STK17B: variants seen among roughly 807,000 people sequenced by gnomAD.
STK17B encodes the protein serine/threonine kinase 17b.
A neutral mutation model predicts 42.0 loss-of-function variants in STK17B; 21 were observed. The ratio of observed to expected loss-of-function variants is 0.50; its 90% confidence interval spans 0.35 to 0.72. STK17B has a LOEUF of 0.72. Ranked by LOEUF, STK17B falls within the 30% of genes least tolerant of loss-of-function variation. The probability of loss-of-function intolerance (pLI) is 0.00; values close to 1 mark genes in which losing one functional copy is unlikely to be tolerated. For missense variants in STK17B, 349 were observed against 446.0 expected (o/e 0.78, Z 1.96); for synonymous variants, 143 against 148.4 (o/e 0.96, Z 0.26).
At chr2:196,148,540 T>G (rs1453887122) in intron 3 of STK17B, among the ~76,000 whole-genome samples, 1 of 152,224 alleles carries the variant, frequency 6.6e-6, no homozygotes, top group East Asian at 1.9e-4. Context: ...TTAGGTACTT[T>G]ACAAGATATA....
intron 3 of STK17B, among the ~76,000 whole-genome samples, chr2:196,151,893 T>C (rs1699670561): frequency 6.6e-6 from 1 of 152,206 alleles, no homozygotes; most frequent in Non-Finnish European, 1.5e-5. Context: ...CTATGAACTA[T>C]GTATTAAAAT....
intron 5 of STK17B, among the ~76,000 whole-genome samples, chr2:196,141,860 T>C (rs1411742842): frequency 6.6e-6 from 1 of 152,076 alleles, no homozygotes; most frequent in Non-Finnish European, 1.5e-5. Flanking sequence ...GTTAAACTCA[T>C]TTAGGTTAAT....
chr2:196,156,554 G>C lies in STK17B; in HGVS notation c.220C>G (p.Arg74Gly). 6.2e-7 allele frequency: 1 copy of C among 1,613,972 alleles called. No homozygotes were observed. Residue 74 changes from arginine (R) to glycine (G), a missense_variant, in exon 3 of 8, where the codon CGA becomes GGA. Arg to Gly is a moderately radical substitution (Grantham distance 125). Transcript: ENST00000263955. The part of the protein sequence containing the change: ...LKKRRRGQDC[R>G]AEILHEIAVL... ...GCAATCTCGTGTAAAATTTCTGCTCGACAATCCTGTCCTCTTCTTCTCTTT... is the reference window on the plus strand; with the variant it reads ...GCAATCTCGTGTAAAATTTCTGCTCCACAATCCTGTCCTCTTCTTCTCTTT...
At chr2:196,169,982 A>T (rs1240259269) in intron 1 of STK17B, among the ~76,000 whole-genome samples, 2 of 152,192 alleles carry the variant, frequency 1.3e-5, no homozygotes, top group African/African-American at 4.8e-5. Context: ...AAAAAGTTTA[A>T]TTGAGCATCT....
intron 3 of STK17B, among the ~76,000 whole-genome samples, chr2:196,149,260 T>G (rs968488990): frequency 7.3e-5 from 11 of 151,514 alleles, no homozygotes; most frequent in African/African-American, 2.7e-4. Context: ...CCGTCCTGGG[T>G]TCAAGCAATT....
rs1314273623 is a variant in STK17B at position 196,136,488 on chromosome 2, T to C, written c.*959A>G. ...ACTGTGTTAATAGACCTACCGGTGC[T>C]GTAATTTTTTATGCATACTTTTAGA... On this transcript the variant is annotated 3_prime_UTR_variant, in exon 8 of 8. Coordinates refer to ENST00000263955, the MANE Select transcript of STK17B (RefSeq NM_004226.4). 1 of 152,588 alleles carries C rather than the reference T, an allele frequency of 6.6e-6. No individual in the cohort carries two copies. The highest frequency in any genetic ancestry group is 1.5e-5 in the Non-Finnish European group (1 of 68,050). 9.5% of individuals were successfully genotyped at this position (152,588 alleles called of 1,614,324 possible).
intron 4 of STK17B, among the ~76,000 whole-genome samples, chr2:196,144,328 A>C (rs1157222350): frequency 6.6e-6 from 1 of 151,612 alleles, no homozygotes; most frequent in African/African-American, 2.4e-5. Context: ...GCCTCTACTA[A>C]AAATACAAAA....
At chr2:196,148,272 C>T (rs966952304) in intron 3 of STK17B, among the ~76,000 whole-genome samples, 1 of 152,222 alleles carries the variant, frequency 6.6e-6, no homozygotes, top group African/African-American at 2.4e-5. Flanking sequence ...CACCCCTTCT[C>T]AAGGTCTCCT....
At chr2:196,162,589 G>GA (rs1343548005) in intron 2 of STK17B, among the ~76,000 whole-genome samples, 3 of 151,988 alleles carry the variant, frequency 2.0e-5, no homozygotes, top group Admixed American at 2.0e-4. Context: ...TTCAGATGAG[G>GA]AAACGACAGC....
intron 1 of STK17B, among the ~76,000 whole-genome samples, chr2:196,163,788 A>G (rs1699842979): frequency 6.6e-6 from 1 of 152,184 alleles, no homozygotes; most frequent in Admixed American, 6.5e-5. Context: ...CTATAATCCC[A>G]GCACTTTGGG....
At chr2:196,154,264 A>AC (rs1426860913) in intron 3 of STK17B, 1 of 152,286 alleles carries the variant, frequency 6.6e-6, no homozygotes, top group Non-Finnish European at 1.5e-5. Context: ...CAACAACAAA[A>AC]GATAATAATC....
chr2:196,137,132 C>CTTTTTT lies in STK17B; in HGVS notation c.*309_*314dup. On this transcript the variant is annotated 3_prime_UTR_variant, in exon 8 of 8. Coordinates refer to ENST00000263955, the MANE Select transcript of STK17B (RefSeq NM_004226.4). The stretch of plus-strand genomic sequence containing the variant: ...ACCAACTATAATAAAACTCAAGCCA[C>CTTTTTT]TTTTTTTGTTGATATGCAAAACATT... 3.7e-6 allele frequency: 1 copy of CTTTTTT among 269,168 alleles called. No homozygotes were observed. The allele number at this position is 269,168 out of a possible 1,614,324, so 16.7% of individuals were successfully genotyped here.
rs1469488541 is a variant in STK17B at position 196,146,447 on chromosome 2, T to A, written c.336-392A>T. On this transcript the variant is annotated intron_variant, in intron 3 of 7. Transcript: ENST00000263955. ...TGAACCTGGGAGGCAAAGGTTGCAG[T>A]GAGCCGAGATGGCACCACTGCATTC... Among the ~76,000 whole-genome samples the A allele has an allele frequency of 2.0e-5, 3 of 152,142 alleles. No homozygotes were observed. In the East Asian group the frequency reaches 5.8e-4, roughly 29 times the overall value.
At chr2:196,154,881 T>C (rs1197377701) in intron 3 of STK17B, 1 of 152,228 alleles carries the variant, frequency 6.6e-6, no homozygotes, top group Non-Finnish European at 1.5e-5. Flanking sequence ...AATACATTAA[T>C]CTACTTAAAC....
rs183967847 is a variant in STK17B, at chr2:196,163,244, G to A, written c.122+18C>T. On this transcript the variant is annotated intron_variant, in intron 2 of 7. Coordinates refer to ENST00000263955, the MANE Select transcript of STK17B (RefSeq NM_004226.4). ...AAATTTGAATTTAGATGGCATACACGTCATATGGTTTTCTTACCTCCCTAG... is the reference window on the plus strand; with the variant it reads ...AAATTTGAATTTAGATGGCATACACATCATATGGTTTTCTTACCTCCCTAG... 1.4e-5 allele frequency: 23 copies of A among 1,607,644 alleles called. No homozygotes were observed. The highest frequency in any genetic ancestry group is 3.3e-5 in the South Asian group (3 of 90,418).
At chr2:196,167,389 A>C (rs923278631) in intron 1 of STK17B, among the ~76,000 whole-genome samples, 5 of 152,202 alleles carry the variant, frequency 3.3e-5, no homozygotes, top group African/African-American at 1.2e-4. Flanking sequence ...AAGAATTATG[A>C]GATATAGAAA....
intron 3 of STK17B, 97 bp downstream of exon 3, chr2:196,156,342 T>C (rs1699737654): frequency 9.4e-7 from 1 of 1,062,080 alleles, no homozygotes; most frequent in Non-Finnish European, 1.3e-6. Context: ...AACAGGAATC[T>C]TTACAAGTTC....
chr2:196,149,195 G>A (rs1699627314), intron 3 of STK17B, among the ~76,000 whole-genome samples: 1 of 144,490 alleles, frequency 6.9e-6, no homozygotes, highest in East Asian at 2.0e-4. Context: ...ACTGAGTCTT[G>A]CTCTGTCGCC....
chr2:196,140,462 A>T (rs2105676196), intron 6 of STK17B, among the ~76,000 whole-genome samples: 1 of 133,832 alleles, frequency 7.5e-6, no homozygotes, highest in East Asian at 2.3e-4. Context: ...TCCCTATGGT[A>T]TTCTCTCTTG....
Sources: gnomAD v4.1 joint callset for allele counts (sites outside exome capture counted in the v4.1 genomes callset) on GRCh38, gnomAD v4.1.1 for gene constraint, MANE v1.5 for transcripts, NCBI Gene and HGNC (gene_info 2026-07-23, HGNC 2026-07-21) for gene names.